The following ZBED1 variants were observed in gnomAD, a reference collection of about 807,000 sequenced individuals.
ZBED1 encodes the protein E3 SUMO-protein ligase ZBED1.
ZBED1 carries 19 observed loss-of-function variants against 49.7 expected under a neutral mutation model. That is an observed-to-expected ratio of 0.38 (90% CI 0.27 to 0.56). The LOEUF (loss-of-function observed/expected upper bound fraction) is 0.56, where lower values mean the gene tolerates loss of function less well. Ranked by LOEUF, ZBED1 falls within the 20% of genes least tolerant of loss-of-function variation. The pLI is 0.70. For synonymous variants in ZBED1, 439 were observed against 440.3 expected (o/e 1.00, Z 0.04); for missense variants, 806 against 972.6 (o/e 0.83, Z 2.28).
intron 1 of ZBED1, among the ~76,000 whole-genome samples, chrX:2,499,803 G>C (rs2045369876): frequency 6.6e-6 from 1 of 152,146 alleles, no homozygotes; most frequent in Admixed American, 6.5e-5. Flanking sequence ...CCAACAGTTT[G>C]GGAGGCAAAG....
At chrX:2,496,230 G>GT (rs1677654508) in intron 1 of ZBED1, among the ~76,000 whole-genome samples, 1 of 151,758 alleles carries the variant, frequency 6.6e-6, no homozygotes, top group Non-Finnish European at 1.5e-5. Flanking sequence ...ACGGAGTCTC[G>GT]CCCTGTTGCC....
At chrX:2,499,832 C>CCCAGG (rs2045370734) in intron 1 of ZBED1, among the ~76,000 whole-genome samples, 1 of 152,050 alleles carries the variant, frequency 6.6e-6, no homozygotes, top group African/African-American at 2.4e-5. Context: ...ATCGCTTGAG[C>CCCAGG]CCAGGAGTTC....
intron 1 of ZBED1, among the ~76,000 whole-genome samples, chrX:2,493,977 AAAG>A (rs199812585): frequency 0.045 from 6,475 of 142,804 alleles, 433 homozygotes; most frequent in African/African-American, 0.15. Context: ...CGTCTCAAAG[AAAG>A]AAGAAAACAA....
rs767925529 is a variant in ZBED1, at chrX:2,489,976, C to T, written c.744G>A (p.Thr248=). Residue 248 remains threonine (T), a synonymous_variant, in exon 2 of 2, where the codon ACG becomes ACA. Coordinates refer to ENST00000652001, the MANE Select transcript of ZBED1 (RefSeq NM_001171136.2). ...VPEENTAETI[T]RVLYEVFIEW... ...CGATGAAGACCTCATAGAGCACTCG[C>T]GTGATGGTCTCCGCCGTGTTCTCTT... The T allele has an allele frequency of 2.4e-5, 38 of 1,613,918 alleles. No individual in the cohort carries two copies. In the Middle Eastern group the frequency reaches 5.0e-4, roughly 21 times the overall value.
intron 1 of ZBED1, 26 bp from the exon 2 acceptor site, chrX:2,490,798 C>T: frequency 4.5e-6 from 7 of 1,542,730 alleles, no homozygotes; most frequent in Non-Finnish European, 6.1e-6. Context: ...ACAAACACAG[C>T]ATGAGAAGGG....
At chrX:2,499,636 G>T (rs897427365) in intron 1 of ZBED1, among the ~76,000 whole-genome samples, 9 of 151,766 alleles carry the variant, frequency 5.9e-5, no homozygotes, top group African/African-American at 9.7e-5. Flanking sequence ...GCCAGGCGTG[G>T]TGGCTCACGC....
chrX:2,496,210 T>G (rs112989979), intron 1 of ZBED1, among the ~76,000 whole-genome samples: 2 of 150,892 alleles, frequency 1.3e-5, no homozygotes, highest in Non-Finnish European at 2.9e-5. Context: ...GTTTTTTTGG[T>G]TTTTTTGAGA....
chrX:2,497,261 C>A (rs1458218824), intron 1 of ZBED1, among the ~76,000 whole-genome samples: 1 of 152,114 alleles, frequency 6.6e-6, no homozygotes, highest in Non-Finnish European at 1.5e-5. Context: ...GGCATGGTGG[C>A]ACATGCCTGT....
chrX:2,500,516 T>G, intron 1 of ZBED1: 2 of 157,016 alleles, frequency 1.3e-5, no homozygotes. Flanking sequence ...GGCTGCTTGG[T>G]TGGAGCCCGA....
chrX:2,497,466 CT>C (rs1282603495), intron 1 of ZBED1, among the ~76,000 whole-genome samples: 2 of 152,068 alleles, frequency 1.3e-5, no homozygotes, highest in African/African-American at 4.8e-5. Flanking sequence ...CTGTTCACTA[CT>C]CATAAAACCA....
At chrX:2,490,799 A>G (rs1421809269) in intron 1 of ZBED1, 27 bp from the exon 2 acceptor site, 1 of 1,542,730 alleles carries the variant, frequency 6.5e-7, no homozygotes, top group Non-Finnish European at 8.7e-7. Context: ...CAAACACAGC[A>G]TGAGAAGGGA....
At position 2,490,463 on chromosome X, in the gene ZBED1, A is replaced by G. The variant is rs754224750; in HGVS notation, c.257T>C (p.Met86Thr). ...CEFVKSNTEQ[M>T]REAFATAFSK... is the part of the protein sequence containing the mutation. ...GAAGGCGGTGGCGAAGGCTTCACGC[A>G]TCTGCTCCGTGTTGCTCTTGACGAA... The change falls in exon 2 of 2, where the codon ATG (methionine) becomes ACG (threonine). Residue 86 changes from methionine to threonine, a missense_variant. Around this residue, in one of 2 missense-constraint regions of ZBED1, gnomAD observed 749 missense variants for 861.3 expected, o/e 0.87. Coordinates refer to ENST00000652001, the MANE Select transcript of ZBED1 (RefSeq NM_001171136.2). 6.2e-7 allele frequency: 1 copy of G among 1,613,960 alleles called. No homozygotes were observed.
At position 2,490,391 on chromosome X, in the gene ZBED1, A is replaced by G. The variant is rs1323908993; in HGVS notation, c.329T>C (p.Leu110Pro). Reference protein sequence around the residue: ...ESSQQPGQDALAVKAGHGYDS... With the variant: ...ESSQQPGQDAPAVKAGHGYDS... ...GTAGCCGTGGCCGGCCTTGACGGCC[A>G]GCGCGTCCTGCCCGGGCTGCTGGGA... The change falls in exon 2 of 2, where the codon CTG (leucine) becomes CCG (proline). Residue 110 changes from leucine (L) to proline (P), a missense_variant. Physicochemically the swap from Leu to Pro is moderately conservative, Grantham distance 98. Coordinates refer to ENST00000652001, the MANE Select transcript of ZBED1 (RefSeq NM_001171136.2). The G allele has an allele frequency of 3.7e-6, 6 of 1,613,832 alleles. No individual in the cohort carries two copies. Among genetic ancestry groups the G allele is most frequent in the South Asian group, 1.1e-5 (1 of 91,072 alleles).
intron 1 of ZBED1, among the ~76,000 whole-genome samples, chrX:2,498,067 G>A (rs1829034951): frequency 1.3e-5 from 2 of 152,122 alleles, no homozygotes; most frequent in African/African-American, 4.8e-5. Flanking sequence ...TGATTAATTT[G>A]TAATTATCTT....
rs2045408485 is a variant in ZBED1, at chrX:2,500,799, C to G, written c.-54+18G>C. ...ACCCGGGTCCCCGGAGCCCTGACCCCTGCCCCGCCCCGCTGACCTGGCTCC... is the reference window on the plus strand; with the variant it reads ...ACCCGGGTCCCCGGAGCCCTGACCCGTGCCCCGCCCCGCTGACCTGGCTCC... On this transcript the variant is annotated intron_variant, in intron 1 of 1. Coordinates refer to ENST00000652001, the MANE Select transcript of ZBED1 (RefSeq NM_001171136.2). 9.0e-7 allele frequency: 1 copy of G among 1,114,444 alleles called. No individual in the cohort carries two copies. 69.0% of individuals were successfully genotyped at this position (1,114,444 alleles called of 1,614,324 possible).
At position 2,486,837 on chromosome X, in the gene ZBED1, AAC is replaced by A. The variant is rs1318279723; in HGVS notation, c.*1796_*1797del. 9 of 152,324 alleles carry A rather than the reference AAC, an allele frequency of 5.9e-5. No homozygotes were observed. The highest frequency in any genetic ancestry group is 7.3e-5 in the Non-Finnish European group (5 of 68,030). 9.4% of individuals were successfully genotyped at this position (152,324 alleles called of 1,614,324 possible). On this transcript the variant is annotated 3_prime_UTR_variant, in exon 2 of 2. Coordinates refer to ENST00000652001, the MANE Select transcript of ZBED1 (RefSeq NM_001171136.2). ...CCGTGCTTCCTTTTCCACAGACTTA[AAC>A]CGGCTCAGGACGTAAGGATAACATT...
At chrX:2,492,335 C>G (rs1603180293) in intron 1 of ZBED1, among the ~76,000 whole-genome samples, 4 of 152,204 alleles carry the variant, frequency 2.6e-5, no homozygotes, top group Admixed American at 2.6e-4. Context: ...CACATGGAGA[C>G]AGAGGCCGAG....
rs138897606 is a variant in ZBED1 at position 2,489,742 on chromosome X, G to A, written c.978C>T (p.Ala326=). The A allele has an allele frequency of 2.8e-4, 450 of 1,613,178 alleles. 1 individual carries two copies. In the African/African-American group the frequency reaches 4.3e-3, roughly 15 times the overall value. ...TCTCATAGAGCATGTACATGGCCAC[G>A]GCAGACTGCTGGAAGTACTCCACCA... ...RKLVEYFQQS[A]VAMYMLYEKQ... is the part of the protein sequence containing the mutation. The change falls in exon 2 of 2, where the codon GCC becomes GCT. Residue 326 remains alanine, a synonymous_variant. Coordinates refer to ENST00000652001, the MANE Select transcript of ZBED1 (RefSeq NM_001171136.2).
rs2045011065 is a variant in ZBED1 at position 2,488,494 on chromosome X, T to G, written c.*141A>C. 2.6e-6 allele frequency: 3 copies of G among 1,166,942 alleles called. No individual in the cohort carries two copies. In the East Asian group the frequency reaches 8.0e-5, roughly 31 times the overall value. 72.3% of individuals were successfully genotyped at this position (1,166,942 alleles called of 1,614,324 possible). ...CCGACCCTCTCTCACTTCTCAAATC[T>G]CTTTCCTTTTTCCACCTTCTAGGTG... On this transcript the variant is annotated 3_prime_UTR_variant, in exon 2 of 2. Coordinates refer to ENST00000652001, the MANE Select transcript of ZBED1 (RefSeq NM_001171136.2).
Sources: allele counts gnomAD v4.1 joint callset (sites outside exome capture counted in the v4.1 genomes callset), GRCh38; gene constraint gnomAD v4.1.1; regional missense constraint gnomAD v4.1.1; transcripts MANE v1.5; gene names NCBI Gene and HGNC (gene_info 2026-07-23, HGNC 2026-07-21).